USP40: variants seen among roughly 807,000 people sequenced by gnomAD.
USP40 encodes the protein ubiquitin specific peptidase 40, also known as ubiquitin carboxyl-terminal hydrolase 40.
Under a neutral mutation model 166.2 loss-of-function variants are expected in USP40, and 143 were observed. The ratio of observed to expected loss-of-function variants is 0.86; its 90% CI spans 0.75 to 0.99. USP40 has a LOEUF of 0.99. Among genes scored for constraint, USP40 ranks in the 50% least tolerant of loss-of-function variants. The pLI is 0.00. For missense variants in USP40, 1,444 were observed against 1,479.7 expected (o/e 0.98, Z 0.40); for synonymous variants, 498 against 524.0 (o/e 0.95, Z 0.68).
intron 18 of USP40, among the ~76,000 whole-genome samples, chr2:233,517,822 GTGTA>G (rs1212582540): frequency 3.4e-5 from 5 of 147,560 alleles, no homozygotes. Context: ...GTGTGTGTGT[GTGTA>G]TGATGGAATA....
chr2:233,518,566 CAAA>C (rs61393952), intron 18 of USP40, among the ~76,000 whole-genome samples: 8 of 77,828 alleles, frequency 1.0e-4, no homozygotes, highest in Non-Finnish European at 1.3e-4. Context: ...GACTCTGTCT[CAAA>C]AAAAAAAAAA....
chr2:233,525,443 T>C (rs372128530), intron 14 of USP40, 35 bp downstream of exon 14: 193 of 1,539,428 alleles, frequency 1.3e-4, no homozygotes, highest in Non-Finnish European at 1.6e-4. Flanking sequence ...TGTAGATATA[T>C]AGAGTGAGTT....
Position 233,562,864 on chromosome 2 carries a change from T to C in USP40, c.200-61A>G, listed in dbSNP as rs568893306. 864 of 1,370,758 alleles carry C rather than the reference T, an allele frequency of 6.3e-4. 9 individuals carry two copies. In the South Asian group the frequency reaches 8.4e-3, roughly 13 times the overall value. The allele number at this position is 1,370,758 out of a possible 1,614,324, so 84.9% of individuals were successfully genotyped here. A position where few individuals can be genotyped will look rare whatever the true frequency, so the allele number is the denominator to read the frequency against. ...ATCATTTCATTTTAAAAAATTGTTT[T>C]AGAAAGCCAAGACCACCTTTAAGTA... On this transcript the variant is annotated intron_variant, in intron 2 of 31. Coordinates refer to ENST00000678225, the MANE Select transcript of USP40 (RefSeq NM_001365479.2).
intron 23 of USP40, 51 bp downstream of exon 23, chr2:233,498,497 T>C (rs1486846609): frequency 1.3e-6 from 2 of 1,548,522 alleles, no homozygotes; most frequent in African/African-American, 1.4e-5. Context: ...TGTACGAAAA[T>C]ATGACATAAA....
intron 5 of USP40, 52 bp from the exon 6 acceptor site, chr2:233,554,578 C>G: frequency 6.9e-7 from 1 of 1,441,290 alleles, no homozygotes; most frequent in Non-Finnish European, 9.4e-7. Flanking sequence ...GGTTTACAAA[C>G]ACATCATCAA....
rs1010179661 is a variant in USP40, at chr2:233,565,647, G to A, written c.-19-74C>T. On this transcript the variant is annotated intron_variant, in intron 1 of 31. Coordinates refer to ENST00000678225, the MANE Select transcript of USP40 (RefSeq NM_001365479.2). ...CCCAAATCCCCCTACCTTACACTTG[G>A]GAGTCGATTCTGTTGTTTCTTAGAA... 23 of 1,274,218 alleles carry A rather than the reference G, an allele frequency of 1.8e-5. No homozygotes were observed. The African/African-American group carries it at 3.3e-4, about 18-fold the overall frequency. The allele number at this position is 1,274,218 out of a possible 1,614,324, so 78.9% of individuals were successfully genotyped here. A position where few individuals can be genotyped will look rare whatever the true frequency, so the allele number is the denominator to read the frequency against.
chr2:233,497,955 C>A (rs1449630027), intron 23 of USP40, among the ~76,000 whole-genome samples: 1 of 152,222 alleles, frequency 6.6e-6, no homozygotes, highest in Admixed American at 6.5e-5. Flanking sequence ...CGGCTGACCA[C>A]AGCTCCCTCA....
chr2:233,544,748 G>A (rs12473824), intron 8 of USP40, among the ~76,000 whole-genome samples: 1 of 151,952 alleles, frequency 6.6e-6, no homozygotes, highest in Non-Finnish European at 1.5e-5. Flanking sequence ...TCCCTAAATG[G>A]CTATACCTTC....
intron 23 of USP40, among the ~76,000 whole-genome samples, chr2:233,497,358 G>C (rs73997635): frequency 0.018 from 2,814 of 152,250 alleles, 87 homozygotes; most frequent in African/African-American, 0.064. Context: ...AGATTTTCCA[G>C]ATCAATCTGG....
rs147755952 is a variant in USP40 at position 233,510,240 on chromosome 2, TAACA to T, written c.2527-109_2527-106del. The T allele has an allele frequency of 4.7e-3, 3,763 of 793,194 alleles. 87 individuals are homozygous for T. The East Asian group carries it at 0.058, about 12-fold the overall frequency. 49.1% of individuals were successfully genotyped at this position (793,194 alleles called of 1,614,324 possible). ...GTAAAGCCAAGGGCCCATGAAACTT[TAACA>T]AAAAATCTCAATTTATATGAAAATA... On this transcript the variant is annotated intron_variant, in intron 20 of 31. Coordinates refer to ENST00000678225, the MANE Select transcript of USP40 (RefSeq NM_001365479.2).
At chr2:233,557,365 T>G (rs1482659174) in intron 4 of USP40, among the ~76,000 whole-genome samples, 1 of 152,194 alleles carries the variant, frequency 6.6e-6, no homozygotes, top group Non-Finnish European at 1.5e-5. Flanking sequence ...GAGCTGGCAG[T>G]GTCTGCACAG....
At chr2:233,538,939 G>T (rs1340315627) in intron 10 of USP40, among the ~76,000 whole-genome samples, 1 of 152,216 alleles carries the variant, frequency 6.6e-6, no homozygotes, top group African/African-American at 2.4e-5. Flanking sequence ...TGAGCTAGGA[G>T]GATCACGTGG....
chr2:233,492,673 A>G (rs1276915238), intron 25 of USP40: 1 of 152,210 alleles, frequency 6.6e-6, no homozygotes, highest in East Asian at 1.9e-4. Flanking sequence ...TGACTCATTT[A>G]TATTAATTTT....
At position 233,493,038 on chromosome 2, in the gene USP40, G is replaced by A. The variant is rs2065449568; in HGVS notation, c.2917+387C>T. 3.9e-6 allele frequency: 1 copy of A among 255,648 alleles called. No homozygotes were observed. Among genetic ancestry groups the A allele is most frequent in the Non-Finnish European group, 7.5e-6 (1 of 133,116 alleles). The allele number at this position is 255,648 out of a possible 1,614,324, so 15.8% of individuals were successfully genotyped here. On this transcript the variant is annotated intron_variant, in intron 25 of 31. Coordinates refer to ENST00000678225, the MANE Select transcript of USP40 (RefSeq NM_001365479.2). This position sits in a 1 kb window ranked among gnomAD's most constrained non-coding sequence, Gnocchi z 4.7. ...AAAGATTGGAAGACATGTAGGATGT[G>A]GACTCCTGGTCTCTGCCCCTGTGGG...
At chr2:233,529,814 C>CTTTTTCTTTTTCTTTTTCT (rs776660309) in intron 11 of USP40, among the ~76,000 whole-genome samples, 43 of 133,954 alleles carry the variant, frequency 3.2e-4, no homozygotes, top group African/African-American at 1.2e-3. Flanking sequence ...TTTTCTTTTT[C>CTTTTTCTTTTTCTTTTTCT]TTTTTTTTTT....
At chr2:233,500,644 A>AT (rs1249578867) in intron 21 of USP40, among the ~76,000 whole-genome samples, 1 of 152,180 alleles carries the variant, frequency 6.6e-6, no homozygotes, top group Non-Finnish European at 1.5e-5. Context: ...TTAATGGGAG[A>AT]TTTTTTAAAA....
intron 1 of USP40, 46 bp downstream of exon 1, chr2:233,566,638 G>A: frequency 2.1e-6 from 2 of 965,028 alleles, no homozygotes; most frequent in South Asian, 9.6e-5. Flanking sequence ...CTGTCCCTAC[G>A]CTTCCCACGT....
chr2:233,523,619 C>T, intron 15 of USP40, 130 bp from the exon 16 acceptor site: 1 of 870,132 alleles, frequency 1.1e-6, no homozygotes, highest in South Asian at 2.0e-5. Context: ...TCACAAATGT[C>T]TGTTAAGCAT....
intron 14 of USP40, among the ~76,000 whole-genome samples, chr2:233,524,815 T>C (rs1046926721): frequency 2.0e-5 from 3 of 152,160 alleles, no homozygotes; most frequent in African/African-American, 7.2e-5. Flanking sequence ...GCACATGACA[T>C]TGGAAACAGG....
Sources: allele counts gnomAD v4.1 joint callset (sites outside exome capture counted in the v4.1 genomes callset), GRCh38; gene constraint gnomAD v4.1.1; non-coding constraint Gnocchi (gnomAD v3.1); transcripts MANE v1.5; gene names NCBI Gene and HGNC (gene_info 2026-07-23, HGNC 2026-07-21).